Variants in TGFBR1 observed in about 807,000 individuals in gnomAD.
TGFBR1 encodes the protein TGF-beta receptor type-1.
In TGFBR1, 20 loss-of-function variants were observed where a neutral mutation model predicts 55.1. The observed-to-expected ratio is 0.36, with a 90% CI of 0.26 to 0.53. The LOEUF is 0.53. Among genes scored for constraint, TGFBR1 ranks in the 20% least tolerant of loss-of-function variants. The pLI is 0.91. For synonymous variants in TGFBR1, 220 were observed against 214.8 expected, an observed-to-expected ratio of 1.02 and a Z score of -0.21; for missense variants, 385 against 617.6, an observed-to-expected ratio of 0.62 and a Z score of 3.99.
upstream of TGFBR1, among the ~76,000 whole-genome samples, chr9:99,104,874 C>G (rs1057386239): frequency 6.0e-5 from 9 of 151,016 alleles, no homozygotes; most frequent in East Asian, 1.8e-3. Context: ...CTCTCGGAGC[C>G]GGGAGCCGAT....
chr9:99,135,246 C>T (rs894435323), intron 3 of TGFBR1, among the ~76,000 whole-genome samples: 2 of 152,142 alleles, frequency 1.3e-5, no homozygotes, highest in Admixed American at 6.5e-5. Context: ...GAATTCCCTC[C>T]AAACCTATCC....
chr9:99,133,200 T>A (rs10988719), intron 3 of TGFBR1, among the ~76,000 whole-genome samples: 13,136 of 152,288 alleles, frequency 0.086, 735 homozygotes, highest in East Asian at 0.25. Flanking sequence ...GTTATTTACT[T>A]TTTAAACATT....
chr9:99,126,840 A>G (rs1827055817), intron 1 of TGFBR1, among the ~76,000 whole-genome samples: 1 of 152,146 alleles, frequency 6.6e-6, no homozygotes, highest in African/African-American at 2.4e-5. Flanking sequence ...AGTTTCTTTC[A>G]TACTTAGGAA....
chr9:99,111,307 T>TGC (rs1826567633), intron 1 of TGFBR1, among the ~76,000 whole-genome samples: 1 of 143,898 alleles, frequency 6.9e-6, no homozygotes, highest in Non-Finnish European at 1.5e-5. Flanking sequence ...TTTTTTTTTT[T>TGC]TTTTTTTTTT....
chr9:99,106,978 A>G (rs1826432029), intron 1 of TGFBR1, among the ~76,000 whole-genome samples: 1 of 152,240 alleles, frequency 6.6e-6, no homozygotes, highest in African/African-American at 2.4e-5. Flanking sequence ...CATGAAACAC[A>G]GGTAACATTT....
chr9:99,143,542 T>C (rs1827693409), intron 5 of TGFBR1, among the ~76,000 whole-genome samples: 1 of 152,236 alleles, frequency 6.6e-6, no homozygotes, highest in Non-Finnish European at 1.5e-5. Flanking sequence ...AGTTGTCCAC[T>C]TGCAACCCAA....
chr9:99,112,241 T>C (rs1213879709), intron 1 of TGFBR1, among the ~76,000 whole-genome samples: 2 of 152,160 alleles, frequency 1.3e-5, no homozygotes, highest in Non-Finnish European at 1.5e-5. Context: ...GTATGACATT[T>C]GAAACAAAGA....
At chr9:99,123,393 A>AG (rs1260097131) in intron 1 of TGFBR1, among the ~76,000 whole-genome samples, 1 of 152,130 alleles carries the variant, frequency 6.6e-6, no homozygotes, top group African/African-American at 2.4e-5. Context: ...TGTAGTAGAA[A>AG]GGTCCTAAAC....
intron 1 of TGFBR1, among the ~76,000 whole-genome samples, chr9:99,126,421 A>G (rs1588573661): frequency 1.3e-5 from 2 of 152,332 alleles, no homozygotes; most frequent in Admixed American, 1.3e-4. Flanking sequence ...GAGCTCTTCA[A>G]GTGCTGTGAC....
intron 1 of TGFBR1, among the ~76,000 whole-genome samples, chr9:99,109,711 G>A (rs973337625): frequency 2.6e-5 from 4 of 152,188 alleles, no homozygotes; most frequent in Non-Finnish European, 4.4e-5. Flanking sequence ...CATGGCTTAC[G>A]TAACACAGAG....
chr9:99,126,304 A>G (rs927237849), intron 1 of TGFBR1, among the ~76,000 whole-genome samples: 2 of 152,180 alleles, frequency 1.3e-5, no homozygotes, highest in Non-Finnish European at 2.9e-5. Flanking sequence ...TCTCATCAGC[A>G]TAGGGGAGCC....
chr9:99,114,444 A>C (rs1462376601), intron 1 of TGFBR1, among the ~76,000 whole-genome samples: 1 of 152,212 alleles, frequency 6.6e-6, no homozygotes, highest in African/African-American at 2.4e-5. Flanking sequence ...CCCAAATGCC[A>C]AGATTGTCAT....
rs1429755948 is a variant in TGFBR1 at position 99,149,408 on chromosome 9, A to G, written c.*103A>G. ...CCTCACTGAGAGGGAACAGAAGGAT[A>G]TTGCTTCCTTTTGCAGCAGTGTAAT... On this transcript the variant is annotated 3_prime_UTR_variant, in exon 9 of 9. Transcript: ENST00000374994. The G allele has an allele frequency of 2.0e-6, 3 of 1,514,290 alleles. No individual in the cohort carries two copies. The highest frequency in any genetic ancestry group is 2.3e-5 in the East Asian group (1 of 44,094). The allele number at this position is 1,514,290 out of a possible 1,614,324, so 93.8% of individuals were successfully genotyped here. A position where few individuals can be genotyped will look rare whatever the true frequency, so the allele number is the denominator to read the frequency against.
intron 2 of TGFBR1, among the ~76,000 whole-genome samples, chr9:99,131,781 C>A (rs1396552493): frequency 6.6e-6 from 1 of 152,046 alleles, no homozygotes; most frequent in African/African-American, 2.4e-5. Flanking sequence ...CCAGCCTGAG[C>A]AACATGGTGA....
intron 2 of TGFBR1, among the ~76,000 whole-genome samples, chr9:99,132,042 T>G (rs149629526): frequency 5.4e-5 from 8 of 149,318 alleles, no homozygotes; most frequent in East Asian, 2.0e-4. Context: ...ATGTATGTGG[T>G]TTTTTTTTTC....
chr9:99,109,239 A>G lies in TGFBR1; in HGVS notation c.97+3937A>G, dbSNP rs201319758. Among the ~76,000 whole-genome samples, 125 of 152,200 alleles carry G rather than the reference A, an allele frequency of 8.2e-4. 1 individual carries two copies. The highest frequency in any genetic ancestry group is 1.4e-3 in the Admixed American group (22 of 15,284). ...CAAGGAAAAGGTCAATTTTTTTTTA[A>G]TTGCTGATAAAAGGACCTGGTATAT... On this transcript the variant is annotated intron_variant, in intron 1 of 8. Transcript: ENST00000374994.
Position 99,153,548 on chromosome 9 carries a change from C to G in TGFBR1, c.*4243C>G, listed in dbSNP as rs999784097. The G allele has an allele frequency of 6.2e-5, 12 of 193,540 alleles. No homozygotes were observed. The highest frequency in any genetic ancestry group is 2.8e-4 in the African/African-American group (12 of 43,066). 12.0% of individuals were successfully genotyped at this position (193,540 alleles called of 1,614,324 possible). A position where few individuals can be genotyped will look rare whatever the true frequency, so the allele number is the denominator to read the frequency against. On this transcript the variant is annotated 3_prime_UTR_variant, in exon 9 of 9. Transcript: ENST00000374994. ...TGTATATTGTATTTGTAGTAATATTCCAAAAGAATGTAAATAGGAAATAGA... is the reference window on the plus strand; with the variant it reads ...TGTATATTGTATTTGTAGTAATATTGCAAAAGAATGTAAATAGGAAATAGA...
intron 1 of TGFBR1, among the ~76,000 whole-genome samples, chr9:99,123,135 C>T (rs1462646184): frequency 2.6e-5 from 4 of 152,016 alleles, no homozygotes; most frequent in African/African-American, 9.7e-5. Flanking sequence ...ACTTCTGGTC[C>T]TGAGCATTTT....
At chr9:99,117,277 T>C (rs980967798) in intron 1 of TGFBR1, among the ~76,000 whole-genome samples, 12 of 151,748 alleles carry the variant, frequency 7.9e-5, no homozygotes, top group African/African-American at 2.9e-4. Context: ...TTTTGTATTT[T>C]TAGTAGAGAT....
Sources: allele counts gnomAD v4.1 joint callset (sites outside exome capture counted in the v4.1 genomes callset), GRCh38; gene constraint gnomAD v4.1.1; transcripts MANE v1.5; gene names NCBI Gene and HGNC (gene_info 2026-07-23, HGNC 2026-07-21).